Variants in PXDNL observed in about 807,000 individuals in gnomAD.
PXDNL encodes the protein probable oxidoreductase PXDNL.
PXDNL carries 145 observed loss-of-function variants against 150.8 expected under a neutral mutation model. The ratio of observed to expected loss-of-function variants is 0.96; its 90% CI spans 0.84 to 1.10. The LOEUF is 1.10. PXDNL is among the 50% of genes least tolerant of loss of function. The probability of loss-of-function intolerance (pLI) is 0.00; values close to 1 mark genes in which losing one functional copy is unlikely to be tolerated. For synonymous variants in PXDNL, 757 were observed against 725.7 expected, an observed-to-expected ratio of 1.04 and a Z score of -0.69; for missense variants, 2,087 against 1,873.9, an observed-to-expected ratio of 1.11 and a Z score of -2.10.
intron 17 of PXDNL, among the ~76,000 whole-genome samples, chr8:51,392,446 G>T (rs1771804168): frequency 1.3e-5 from 2 of 152,042 alleles, no homozygotes; most frequent in South Asian, 2.1e-4. Context: ...CCTTGAAGAG[G>T]TCCTTCACGT....
chr8:51,509,479 T>G (rs2979123), intron 4 of PXDNL, among the ~76,000 whole-genome samples: 17 of 151,994 alleles, frequency 1.1e-4, no homozygotes, highest in African/African-American at 4.1e-4. Flanking sequence ...TCCAGCCACA[T>G]CAGCATTCAA....
rs138003525 is a variant in PXDNL, at chr8:51,338,816, A to C, written c.4146+808T>G. ...GCCAGAACAACTGGCAAAATAAGCA[A>C]AAGTATAGCGGGGTGTGGGAATGTT... On this transcript the variant is annotated intron_variant, in intron 21 of 22. Coordinates refer to ENST00000356297, the MANE Select transcript of PXDNL (RefSeq NM_144651.5). Among the ~76,000 whole-genome samples, 388 of 152,366 alleles carry C rather than the reference A, an allele frequency of 2.5e-3. 6 individuals carry two copies. The highest frequency in any genetic ancestry group is 8.7e-3 in the African/African-American group (362 of 41,594).
intron 1 of PXDNL, among the ~76,000 whole-genome samples, chr8:51,665,449 A>G (rs1307369674): frequency 6.6e-6 from 1 of 152,188 alleles, no homozygotes; most frequent in East Asian, 1.9e-4. Context: ...TATTGCTTTT[A>G]TAACATTTTA....
At chr8:51,724,128 C>G (rs549391585) in intron 1 of PXDNL, among the ~76,000 whole-genome samples, 1 of 152,034 alleles carries the variant, frequency 6.6e-6, no homozygotes, top group African/African-American at 2.4e-5. Context: ...AAGACAGGAG[C>G]AGGTTGGGAG....
chr8:51,746,803 C>G (rs2036988714), intron 1 of PXDNL, among the ~76,000 whole-genome samples: 1 of 152,164 alleles, frequency 6.6e-6, no homozygotes, highest in Admixed American at 6.5e-5. Flanking sequence ...TTCACTGCAG[C>G]CTAGACTTCA....
At chr8:51,755,679 T>A (rs1225237426) in intron 1 of PXDNL, among the ~76,000 whole-genome samples, 1 of 152,212 alleles carries the variant, frequency 6.6e-6, no homozygotes, top group Non-Finnish European at 1.5e-5. Context: ...TAAATGTTCA[T>A]CTATATATTT....
intron 3 of PXDNL, among the ~76,000 whole-genome samples, chr8:51,581,867 T>C (rs571517668): frequency 3.3e-4 from 51 of 152,274 alleles, no homozygotes; most frequent in African/African-American, 1.0e-3. Flanking sequence ...GGGAGATGTT[T>C]CATTACTGAT....
At chr8:51,413,640 A>G (rs1031789800) in intron 14 of PXDNL, among the ~76,000 whole-genome samples, 5 of 152,178 alleles carry the variant, frequency 3.3e-5, no homozygotes, top group Admixed American at 6.5e-5. Context: ...ACATTAAAGC[A>G]AAGTAAATAT....
intron 1 of PXDNL, among the ~76,000 whole-genome samples, chr8:51,807,543 G>C (rs2037690909): frequency 6.6e-6 from 1 of 152,124 alleles, no homozygotes; most frequent in Admixed American, 6.5e-5. Flanking sequence ...TTACAGATTA[G>C]GAAACTGTGA....
intron 3 of PXDNL, among the ~76,000 whole-genome samples, chr8:51,578,175 AAAG>A (rs1254748076): frequency 5.9e-5 from 9 of 151,722 alleles, no homozygotes; most frequent in African/African-American, 2.2e-4. Flanking sequence ...AGAAGGAAAG[AAAG>A]AAAATATATT....
chr8:51,349,788 C>A (rs554004093), intron 19 of PXDNL, among the ~76,000 whole-genome samples: 39 of 152,288 alleles, frequency 2.6e-4, no homozygotes, highest in Non-Finnish European at 4.9e-4. Context: ...CAAAACTATG[C>A]AACTTTGGAA....
chr8:51,608,017 G>GA (rs376945614), intron 2 of PXDNL, among the ~76,000 whole-genome samples: 1 of 78,504 alleles, frequency 1.3e-5, no homozygotes, highest in Non-Finnish European at 2.7e-5. Flanking sequence ...AAGAAAGAAA[G>GA]AAAGAAAGAA....
At chr8:51,601,266 G>T (rs1427261646) in intron 2 of PXDNL, among the ~76,000 whole-genome samples, 1 of 151,768 alleles carries the variant, frequency 6.6e-6, no homozygotes, top group East Asian at 1.9e-4. Flanking sequence ...TAAGTCTATA[G>T]TTTTGTTTTG....
At position 51,413,278 on chromosome 8, in the gene PXDNL, G is replaced by A. The variant is rs748717426; in HGVS notation, c.1796-20C>T. On this transcript the variant is annotated intron_variant, in intron 14 of 22. Transcript: ENST00000356297. Reference sequence around the variant, plus strand: ...GTATAGCTTTGAAAATCAATTCCATGATTAAAAATATCAAACAGACCTTGA... The same window carrying A: ...GTATAGCTTTGAAAATCAATTCCATAATTAAAAATATCAAACAGACCTTGA... 5.5e-6 allele frequency: 8 copies of A among 1,460,000 alleles called. No homozygotes were observed. Among genetic ancestry groups the A allele is most frequent in the Non-Finnish European group, 9.6e-7 (1 of 1,044,044 alleles). The allele number at this position is 1,460,000 out of a possible 1,614,324, so 90.4% of individuals were successfully genotyped here.
At chr8:51,426,618 A>G (rs1809107964) in intron 13 of PXDNL, 28 bp downstream of exon 13, 1 of 1,266,400 alleles carries the variant, frequency 7.9e-7, no homozygotes, top group East Asian at 2.4e-5. Flanking sequence ...TGTTTTTAAT[A>G]TTACTGTACT....
chr8:51,665,521 C>T (rs530057760), intron 1 of PXDNL, among the ~76,000 whole-genome samples: 4 of 152,258 alleles, frequency 2.6e-5, no homozygotes, highest in South Asian at 2.1e-4. Flanking sequence ...AGGCAAACTG[C>T]GAGCTCTTGA....
intron 9 of PXDNL, among the ~76,000 whole-genome samples, chr8:51,456,773 A>G (rs1809946539): frequency 6.6e-6 from 1 of 152,196 alleles, no homozygotes; most frequent in African/African-American, 2.4e-5. Context: ...GGAATTGGCC[A>G]TGGTGAGATT....
chr8:51,603,045 C>T (rs1813759915), intron 2 of PXDNL, among the ~76,000 whole-genome samples: 1 of 151,464 alleles, frequency 6.6e-6, no homozygotes, highest in African/African-American at 2.4e-5. Flanking sequence ...ATTATCATTA[C>T]TATTGATTGA....
At chr8:51,694,164 C>T (rs950380598) in intron 1 of PXDNL, among the ~76,000 whole-genome samples, 2 of 152,150 alleles carry the variant, frequency 1.3e-5, no homozygotes, top group Non-Finnish European at 2.9e-5. Context: ...TGGAGACCAA[C>T]TTTGCCAAAA....
Sources: gnomAD v4.1 joint callset for allele counts (sites outside exome capture counted in the v4.1 genomes callset) on GRCh38, gnomAD v4.1.1 for gene constraint, MANE v1.5 for transcripts, NCBI Gene and HGNC (gene_info 2026-07-23, HGNC 2026-07-21) for gene names.